Variants in ABI2 observed in about 807,000 individuals in gnomAD.
ABI2 encodes the protein abelson interactor 2.
ABI2 carries 25 observed loss-of-function variants against 59.2 expected under a neutral mutation model. The ratio of observed to expected loss-of-function variants is 0.42; its 90% confidence interval spans 0.31 to 0.59. ABI2 has a LOEUF of 0.59. ABI2 is among the 20% of genes least tolerant of loss of function. The pLI, the probability that ABI2 is intolerant of heterozygous loss-of-function variation, is 0.14. For synonymous variants in ABI2, 213 were observed against 235.5 expected, an observed-to-expected ratio of 0.90 and a Z score of 0.87; for missense variants, 545 against 681.8, an observed-to-expected ratio of 0.80 and a Z score of 2.23.
chr2:203,373,529 A>C (rs1220622024), intron 2 of ABI2, among the ~76,000 whole-genome samples: 1 of 152,086 alleles, frequency 6.6e-6, no homozygotes, highest in East Asian at 1.9e-4. Flanking sequence ...GAGGGAGACT[A>C]AACTAAAATT....
chr2:203,345,898 G>C (rs1323187803), intron 1 of ABI2, among the ~76,000 whole-genome samples: 3 of 151,442 alleles, frequency 2.0e-5, no homozygotes, highest in Non-Finnish European at 4.4e-5. Flanking sequence ...ATTTGCTTCT[G>C]GCCGGGCACG....
intron 5 of ABI2, among the ~76,000 whole-genome samples, chr2:203,393,506 T>C (rs2096854746): frequency 6.6e-6 from 1 of 152,254 alleles, no homozygotes; most frequent in South Asian, 2.1e-4. Flanking sequence ...GTCCTGACAT[T>C]ACTTTTTCCT....
intron 11 of ABI2, among the ~76,000 whole-genome samples, chr2:203,421,242 T>G (rs1300392524): frequency 6.6e-6 from 1 of 152,150 alleles, no homozygotes; most frequent in East Asian, 1.9e-4. Flanking sequence ...CAAGGGATAA[T>G]GGCCTCAACC....
At chr2:203,380,966 A>T (rs1007574422) in intron 3 of ABI2, among the ~76,000 whole-genome samples, 1 of 152,120 alleles carries the variant, frequency 6.6e-6, no homozygotes, top group East Asian at 1.9e-4. Context: ...ATTTCATTTA[A>T]ATTGGTGTTT....
At chr2:203,355,294 C>T (rs1021604840) in intron 1 of ABI2, 1 of 263,160 alleles carries the variant, frequency 3.8e-6, no homozygotes, top group South Asian at 3.8e-5. Context: ...ATTGCTGGAG[C>T]TCAGGTGGGA....
intron 11 of ABI2, among the ~76,000 whole-genome samples, chr2:203,421,963 T>C (rs572975493): frequency 6.0e-4 from 38 of 63,282 alleles, no homozygotes; most frequent in African/African-American, 2.5e-3. Context: ...AGACTCTGTC[T>C]CAAAAAAAAA....
chr2:203,328,571 C>G lies in ABI2; in HGVS notation c.57C>G (p.Leu19=), dbSNP rs1157014036. Residue 19 remains leucine, a synonymous_variant, in exon 1 of 12, where the codon CTC becomes CTG. Transcript: ENST00000261018. ...EEEIPGGRRA[L]FDSYTNLERV... ...AAATCCCGGGGGGCCGCCGGGCCCTCTTCGACAGCTACACAAATCTGGAAC... is the reference window on the plus strand; with the variant it reads ...AAATCCCGGGGGGCCGCCGGGCCCTGTTCGACAGCTACACAAATCTGGAAC... 5 of 1,605,694 alleles carry G rather than the reference C, an allele frequency of 3.1e-6. No individual in the cohort carries two copies. The South Asian group carries it at 4.4e-5, about 14-fold the overall frequency.
Position 203,376,048 on chromosome 2 carries a change from T to G in ABI2, c.286-4160T>G, listed in dbSNP as rs1307074720. ...TTAAAAGTTATTTACTTAAAATATC[T>G]ATACTTAGGCAAATTAGAGGCGTTG... is the stretch of plus-strand genomic sequence containing the variant. On this transcript the variant is annotated intron_variant, in intron 2 of 11. Transcript: ENST00000261018. 2.0e-6 allele frequency: 3 copies of G among 1,525,898 alleles called. No homozygotes were observed. In the South Asian group the frequency reaches 3.6e-5, roughly 18 times the overall value. 94.5% of individuals were successfully genotyped at this position (1,525,898 alleles called of 1,614,324 possible).
chr2:203,333,728 G>A (rs528461789), intron 1 of ABI2, among the ~76,000 whole-genome samples: 5 of 152,068 alleles, frequency 3.3e-5, no homozygotes, highest in Non-Finnish European at 5.9e-5. Context: ...TTATATTTGA[G>A]CCCCTTGCTC....
At chr2:203,418,559 G>A (rs555343567) in intron 11 of ABI2, among the ~76,000 whole-genome samples, 43 of 152,378 alleles carry the variant, frequency 2.8e-4, no homozygotes, top group African/African-American at 9.9e-4. Flanking sequence ...AGGCTTCTCC[G>A]TAGGGCAGCT....
intron 2 of ABI2, among the ~76,000 whole-genome samples, chr2:203,378,176 A>G (rs1439692039): frequency 1.3e-5 from 2 of 151,058 alleles, no homozygotes; most frequent in Non-Finnish European, 2.9e-5. Flanking sequence ...GCAGTGGCAC[A>G]ATCTCGGCTC....
chr2:203,390,945 T>G (rs1381829374), intron 4 of ABI2, 101 bp from the exon 5 acceptor site: 3 of 891,000 alleles, frequency 3.4e-6, no homozygotes, highest in Admixed American at 2.1e-5. Flanking sequence ...TCCCTTTATT[T>G]AAACCTTCCC....
chr2:203,354,760 C>A (rs1399409848), intron 1 of ABI2, among the ~76,000 whole-genome samples: 1 of 152,154 alleles, frequency 6.6e-6, no homozygotes, highest in Non-Finnish European at 1.5e-5. Context: ...CAGGGAAGAA[C>A]CTGAATTTAG....
chr2:203,358,661 G>GTA (rs953305663), intron 1 of ABI2, among the ~76,000 whole-genome samples: 44 of 152,078 alleles, frequency 2.9e-4, no homozygotes, highest in African/African-American at 1.0e-3. Context: ...TTTAGGCCTT[G>GTA]TATATTAATA....
intron 1 of ABI2, among the ~76,000 whole-genome samples, chr2:203,352,600 A>G (rs944576408): frequency 2.0e-5 from 3 of 152,208 alleles, no homozygotes; most frequent in Non-Finnish European, 4.4e-5. Context: ...AGAAAATGAT[A>G]TAAAGAAAAA....
rs572637102 is a variant in ABI2, at chr2:203,416,730, C to CT, written c.1280-176dup. Among the ~76,000 whole-genome samples the CT allele has an allele frequency of 4.8e-4, 73 of 152,298 alleles. No individual in the cohort carries two copies. In the South Asian group the frequency reaches 5.0e-3, roughly 10 times the overall value. On this transcript the variant is annotated intron_variant, in intron 10 of 11. Coordinates refer to ENST00000261018, the MANE Select transcript of ABI2 (RefSeq NM_001375670.1). ...AGGGCAAGAGAGGGAGAACGTCATACTTGGAGCTCTAGAACGTTATAGTTG... is the reference window on the plus strand; with the variant it reads ...AGGGCAAGAGAGGGAGAACGTCATACTTTGGAGCTCTAGAACGTTATAGTTG...
At position 203,429,970 on chromosome 2, in the gene ABI2, T is replaced by C. The variant is rs2153625408; in HGVS notation, c.*2618T>C. On this transcript the variant is annotated 3_prime_UTR_variant, in exon 12 of 12. Coordinates refer to ENST00000261018, the MANE Select transcript of ABI2 (RefSeq NM_001375670.1). ...CATGGGTCTGCTGATTTTTTTTCCCTATTTAGTACTAATGTGTGTGTGATC... is the reference window on the plus strand; with the variant it reads ...CATGGGTCTGCTGATTTTTTTTCCCCATTTAGTACTAATGTGTGTGTGATC... The C allele has an allele frequency of 6.6e-6, 1 of 152,202 alleles. No homozygotes were observed. The highest frequency in any genetic ancestry group is 1.5e-5 in the Non-Finnish European group (1 of 68,020). The allele number at this position is 152,202 out of a possible 1,614,324, so 9.4% of individuals were successfully genotyped here. A position where few individuals can be genotyped will look rare whatever the true frequency, so the allele number is the denominator to read the frequency against.
intron 1 of ABI2, chr2:203,329,105 C>T (rs890301512): frequency 1.3e-5 from 2 of 152,638 alleles, no homozygotes; most frequent in African/African-American, 4.8e-5. Context: ...TTTTCTGTTC[C>T]TGTGAATGCT....
intron 9 of ABI2, among the ~76,000 whole-genome samples, chr2:203,405,688 A>C (rs2097395227): frequency 6.6e-6 from 1 of 152,040 alleles, no homozygotes; most frequent in Non-Finnish European, 1.5e-5. Flanking sequence ...AAATGATCTG[A>C]AGTGTGTGTT....
Sources: allele counts gnomAD v4.1 joint callset (sites outside exome capture counted in the v4.1 genomes callset), GRCh38; gene constraint gnomAD v4.1.1; transcripts MANE v1.5; gene names NCBI Gene and HGNC (gene_info 2026-07-23, HGNC 2026-07-21).